The following GYG2 variants were observed in gnomAD, a reference collection of about 807,000 sequenced individuals.
The protein encoded by GYG2 is glycogenin 2, also known as glycogenin-2.
A neutral mutation model predicts 29.4 loss-of-function variants in GYG2; 29 were observed. The ratio of observed to expected loss-of-function variants is 0.99; its 90% CI spans 0.74 to 1.35. GYG2 has a LOEUF of 1.35. Among genes scored for constraint, GYG2 ranks in the 40% most tolerant of loss-of-function variants. The probability of loss-of-function intolerance (pLI) is 0.00; values close to 1 mark genes in which losing one functional copy is unlikely to be tolerated. For missense variants in GYG2, 370 were observed against 385.7 expected (o/e 0.96, Z 0.34); for synonymous variants, 167 against 172.3 (o/e 0.97, Z 0.24).
At chrX:2,844,656 G>A (rs1349859175) in intron 3 of GYG2, among the ~76,000 whole-genome samples, 14 of 18,615 alleles carry the variant, frequency 7.5e-4, no homozygotes, top group African/African-American at 4.1e-3. Context: ...ATACGCACAC[G>A]CATGCGTATA....
At chrX:2,848,565 C>G (rs1273954443) in intron 3 of GYG2, among the ~76,000 whole-genome samples, 1 of 108,177 alleles carries the variant, frequency 9.2e-6, no homozygotes, top group African/African-American at 3.4e-5. Context: ...AAAAACCTGA[C>G]TATATTAAGG....
At chrX:2,878,490 G>A (rs1318144401) in intron 10 of GYG2, among the ~76,000 whole-genome samples, 1 of 110,802 alleles carries the variant, frequency 9.0e-6, no homozygotes, top group Non-Finnish European at 1.9e-5. Context: ...GGCTGGTCTC[G>A]AACACCTGGC....
At chrX:2,877,476 G>T in intron 10 of GYG2, 169 bp downstream of exon 10, 1 of 1,078,375 alleles carries the variant, frequency 9.3e-7, no homozygotes, top group Non-Finnish European at 1.2e-6. Flanking sequence ...CTTCTCTCTG[G>T]CATTTGCCTG....
At chrX:2,838,891 T>C (rs2087437109) in intron 2 of GYG2, among the ~76,000 whole-genome samples, 1 of 112,338 alleles carries the variant, frequency 8.9e-6, no homozygotes, top group South Asian at 3.7e-4. Flanking sequence ...TACTAATTGG[T>C]GCAGTCAGAA....
At chrX:2,877,775 C>A in intron 10 of GYG2, 1 of 748,957 alleles carries the variant, frequency 1.3e-6, no homozygotes, top group African/African-American at 2.3e-5. Flanking sequence ...TCATCTTCAA[C>A]TACGTTCTCT....
At chrX:2,830,856 G>A (rs1205146252) in intron 2 of GYG2, among the ~76,000 whole-genome samples, 1 of 112,555 alleles carries the variant, frequency 8.9e-6, no homozygotes, top group Non-Finnish European at 1.9e-5. Flanking sequence ...AGGAGTTCCA[G>A]GCTGCAGTGA....
At chrX:2,832,471 C>T (rs1447854327) in intron 2 of GYG2, among the ~76,000 whole-genome samples, 2 of 111,942 alleles carry the variant, frequency 1.8e-5, no homozygotes, top group African/African-American at 3.2e-5. Flanking sequence ...GCTGGTTCCT[C>T]CTGAGGCCTC....
intron 1 of GYG2, 47 bp from the exon 2 acceptor site, chrX:2,830,014 G>A (rs2087226661): frequency 2.2e-6 from 1 of 464,606 alleles, no homozygotes; most frequent in Non-Finnish European, 3.8e-6. Flanking sequence ...TGACACTGGC[G>A]GGGCCTGCAG....
chrX:2,879,193 A>C (rs1334022646), intron 10 of GYG2, among the ~76,000 whole-genome samples: 1 of 99,895 alleles, frequency 1.0e-5, no homozygotes, highest in Non-Finnish European at 2.1e-5. Context: ...CCTATGGTGT[A>C]AAAACTCAAA....
intron 8 of GYG2, among the ~76,000 whole-genome samples, chrX:2,873,542 T>TCTCCTCCTC (rs893899518): frequency 9.1e-6 from 1 of 109,864 alleles, no homozygotes; most frequent in Non-Finnish European, 1.9e-5. Flanking sequence ...TCCTCCTCTT[T>TCTCCTCCTC]CTCCTCCTCC....
chrX:2,859,365 A>T (rs1486997829), intron 6 of GYG2, among the ~76,000 whole-genome samples: 3 of 111,002 alleles, frequency 2.7e-5, no homozygotes, highest in Non-Finnish European at 5.7e-5. Flanking sequence ...TTATATATTG[A>T]TTACTATGCT....
chrX:2,831,228 T>C (rs1473525305), intron 2 of GYG2, among the ~76,000 whole-genome samples: 1 of 112,801 alleles, frequency 8.9e-6, no homozygotes, highest in Admixed American at 9.3e-5. Context: ...TATTTTTAAA[T>C]GTATATTTTT....
chrX:2,843,110 G>A, intron 2 of GYG2, 103 bp from the exon 3 acceptor site: 2 of 704,936 alleles, frequency 2.8e-6, no homozygotes, highest in Non-Finnish European at 4.5e-6. Context: ...ATCACGTCTG[G>A]CCCAAGCCAT....
intron 8 of GYG2, among the ~76,000 whole-genome samples, chrX:2,867,307 A>G (rs1478143466): frequency 8.9e-6 from 1 of 111,760 alleles, no homozygotes; most frequent in East Asian, 2.8e-4. Flanking sequence ...CAAAACATCA[A>G]TGGAAGATGA....
intron 10 of GYG2, among the ~76,000 whole-genome samples, chrX:2,880,228 G>A (rs761496879): frequency 2.2e-4 from 24 of 107,052 alleles, no homozygotes; most frequent in African/African-American, 8.2e-4. Flanking sequence ...TTTTTCACAT[G>A]ACCCTTAAGA....
rs1009498628 is a variant in GYG2, at chrX:2,863,883, C to T, written c.1038+2161C>T. 4.5e-5 allele frequency among the ~76,000 whole-genome samples: 5 copies of T among 111,404 alleles called. No individual in the cohort carries two copies. In the Admixed American group the frequency reaches 4.8e-4, roughly 11 times the overall value. On this transcript the variant is annotated intron_variant, in intron 8 of 10. Coordinates refer to ENST00000398806, the MANE Select transcript of GYG2 (RefSeq NM_001079855.2). ...TGGAGCCCTTACATGATGTGCAAAA[C>T]GGCTGCAATTGTGCTGAGCCATGCT...
At chrX:2,865,339 A>C (rs975761599) in intron 8 of GYG2, among the ~76,000 whole-genome samples, 2 of 111,493 alleles carry the variant, frequency 1.8e-5, no homozygotes, top group Admixed American at 9.6e-5. Context: ...CCAGAGTGAC[A>C]GCACTTAGCA....
Position 2,861,668 on chromosome X carries a change from G to A in GYG2, c.984G>A (p.Pro328=), listed in dbSNP as rs773897137. 4.2e-6 allele frequency: 5 copies of A among 1,202,576 alleles called. No individual in the cohort carries two copies. Among genetic ancestry groups the A allele is most frequent in the African/African-American group, 1.8e-5 (1 of 57,052 alleles). ...SNQPAQGLPE[P]TQIVDETLSL... is the part of the protein sequence containing the mutation. Reference sequence around the variant, plus strand: ...AGCCTGCTCAGGGCCTTCCGGAGCCGACCCAGATAGTGGATGAGACCCTGT... The same window carrying A: ...AGCCTGCTCAGGGCCTTCCGGAGCCAACCCAGATAGTGGATGAGACCCTGT... The change falls in exon 8 of 11, where the codon CCG becomes CCA. Residue 328 remains proline, a synonymous_variant. Coordinates refer to ENST00000398806, the MANE Select transcript of GYG2 (RefSeq NM_001079855.2).
chrX:2,829,926 G>T (rs185977467), intron 1 of GYG2, 135 bp from the exon 2 acceptor site: 101 of 399,787 alleles, frequency 2.5e-4, no homozygotes, highest in Non-Finnish European at 4.1e-4. Context: ...AGTGCGGGGC[G>T]TGGAGGTCGC....
Sources: allele counts gnomAD v4.1 joint callset (sites outside exome capture counted in the v4.1 genomes callset), GRCh38; gene constraint gnomAD v4.1.1; transcripts MANE v1.5; gene names NCBI Gene and HGNC (gene_info 2026-07-23, HGNC 2026-07-21).